Variants in XPO4 observed in about 807,000 individuals in gnomAD.
XPO4 encodes the protein exportin-4.
XPO4 carries 39 observed loss-of-function variants against 143.0 expected under a neutral mutation model. The observed-to-expected ratio is 0.27, with a 90% CI of 0.21 to 0.36. The LOEUF (loss-of-function observed/expected upper bound fraction) is 0.36. XPO4 is among the 10% of genes least tolerant of loss of function. The pLI is 1.00. For synonymous variants in XPO4, 439 were observed against 474.0 expected, an observed-to-expected ratio of 0.93 and a Z score of 0.96; for missense variants, 907 against 1,348.0, an observed-to-expected ratio of 0.67 and a Z score of 5.12.
At chr13:20,856,216 T>C (rs2138102923) in intron 3 of XPO4, 1 of 520,996 alleles carries the variant, frequency 1.9e-6, no homozygotes, top group East Asian at 1.5e-4. Flanking sequence ...AACCTACGTC[T>C]ACAACTACTA....
chr13:20,891,159 G>T (rs1024689531), intron 1 of XPO4, among the ~76,000 whole-genome samples: 9 of 141,858 alleles, frequency 6.3e-5, no homozygotes, highest in Admixed American at 1.4e-4. Context: ...AAGAACAAAC[G>T]GCCACACTCT....
chr13:20,789,398 T>TC (rs1449894003), intron 19 of XPO4, among the ~76,000 whole-genome samples: 1 of 150,070 alleles, frequency 6.7e-6, no homozygotes, highest in Non-Finnish European at 1.5e-5. Context: ...GCCTCTACTT[T>TC]TTTTTTTTTT....
intron 3 of XPO4, chr13:20,859,845 A>G (rs1057079654): frequency 1.4e-5 from 14 of 979,822 alleles, no homozygotes; most frequent in South Asian, 9.4e-5. Context: ...TTTGGATAAT[A>G]TAAGAGCCAG....
intron 4 of XPO4, among the ~76,000 whole-genome samples, chr13:20,847,684 T>C (rs1009666358): frequency 6.6e-6 from 1 of 152,146 alleles, no homozygotes; most frequent in Admixed American, 6.6e-5. Flanking sequence ...TCAGAGACAG[T>C]GGCTCTGATA....
At chr13:20,802,597 T>C (rs2059449205) in intron 13 of XPO4, among the ~76,000 whole-genome samples, 1 of 152,218 alleles carries the variant, frequency 6.6e-6, no homozygotes, top group Admixed American at 6.5e-5. Context: ...ACTTTAAATT[T>C]ATGCACTGGA....
At chr13:20,887,780 G>A (rs367744159) in intron 1 of XPO4, among the ~76,000 whole-genome samples, 76 of 152,162 alleles carry the variant, frequency 5.0e-4, no homozygotes, top group African/African-American at 1.7e-3. Context: ...TGAATCACTC[G>A]AATTCGGGAG....
Position 20,783,441 on chromosome 13 carries a change from ATC to A in XPO4, c.*279_*280del, listed in dbSNP as rs1356866529. On this transcript the variant is annotated 3_prime_UTR_variant, in exon 23 of 23. Transcript: ENST00000255305. ...TGCATATGTATTTCGTGGTGCCCAT[ATC>A]TGTTTGCACATATATGGAATTTCAT... 6.7e-6 allele frequency: 3 copies of A among 444,510 alleles called. No individual in the cohort carries two copies. Among genetic ancestry groups the A allele is most frequent in the Non-Finnish European group, 1.2e-5 (3 of 246,358 alleles). 27.5% of individuals were successfully genotyped at this position (444,510 alleles called of 1,614,324 possible).
intron 1 of XPO4, among the ~76,000 whole-genome samples, chr13:20,876,295 G>C (rs973139191): frequency 9.3e-5 from 14 of 150,594 alleles, no homozygotes; most frequent in South Asian, 6.3e-4. Flanking sequence ...GAATAAGAAG[G>C]GGGTAATACC....
rs749013343 is a variant in XPO4, at chr13:20,800,948, T to C, written c.1860A>G (p.Arg620=). The C allele has an allele frequency of 9.9e-6, 16 of 1,613,870 alleles. No individual in the cohort carries two copies. In the African/African-American group the frequency reaches 2.1e-4, roughly 22 times the overall value. The change falls in exon 14 of 23, where the codon CGA becomes CGG. Residue 620 remains arginine (R), a synonymous_variant. Transcript: ENST00000255305. ...AILRVSEVES[R]AIRADLTHLL... ...GATGAGTGAGATCTGCTCTTATTGC[T>C]CGAGATTCAACTTCTGAAACTCTGA...
intron 1 of XPO4, among the ~76,000 whole-genome samples, chr13:20,871,566 T>C (rs1156792724): frequency 6.6e-6 from 1 of 152,202 alleles, no homozygotes; most frequent in African/African-American, 2.4e-5. Flanking sequence ...TCCCAAAGTC[T>C]GCTGACATTA....
chr13:20,803,000 G>T (rs1566568571), intron 13 of XPO4, among the ~76,000 whole-genome samples: 1 of 152,120 alleles, frequency 6.6e-6, no homozygotes, highest in Non-Finnish European at 1.5e-5. Context: ...ACGTATCTTT[G>T]AATGAATATT....
intron 4 of XPO4, among the ~76,000 whole-genome samples, chr13:20,847,853 A>G (rs937947019): frequency 9.9e-5 from 15 of 152,250 alleles, no homozygotes; most frequent in Non-Finnish European, 1.6e-4. Flanking sequence ...GGTTAATACA[A>G]CAATACTTCA....
In XPO4 at chr13:20,843,792, C is replaced by G; in HGVS notation, c.551G>C (p.Gly184Ala). The G allele has an allele frequency of 6.2e-7, 1 of 1,612,798 alleles. No individual in the cohort carries two copies. The highest frequency in any genetic ancestry group is 8.5e-7 in the Non-Finnish European group (1 of 1,179,382). Residue 184 changes from glycine (G) to alanine (A), a missense_variant, in exon 5 of 23, where the codon GGT becomes GCT. Coordinates refer to ENST00000255305, the MANE Select transcript of XPO4 (RefSeq NM_022459.5). ...SNIGLSMEFH[G>A]NCKRVFQEED... The stretch of plus-strand genomic sequence containing the variant: ...TACCTGAAAAACTCTTTTGCAGTTA[C>G]CATGGAATTCCATGCTCAATCCAAT...
At chr13:20,860,396 T>C (rs2060185909) in intron 3 of XPO4, among the ~76,000 whole-genome samples, 1 of 152,180 alleles carries the variant, frequency 6.6e-6, no homozygotes, top group African/African-American at 2.4e-5. Context: ...ACAAGCACAC[T>C]ATCATAATTG....
At chr13:20,809,338 G>A (rs527980314) in intron 10 of XPO4, 113 bp from the exon 11 acceptor site, 5 of 1,349,466 alleles carry the variant, frequency 3.7e-6, no homozygotes, top group Non-Finnish European at 5.0e-6. Context: ...CAAAAGGAGA[G>A]GGGACACAGC....
intron 6 of XPO4, among the ~76,000 whole-genome samples, chr13:20,839,725 G>A (rs968841067): frequency 2.6e-5 from 4 of 152,182 alleles, no homozygotes; most frequent in African/African-American, 4.8e-5. Context: ...GCTCATGCCT[G>A]TAATCCCAAC....
At chr13:20,801,700 A>G (rs997793662) in intron 13 of XPO4, among the ~76,000 whole-genome samples, 2 of 152,246 alleles carry the variant, frequency 1.3e-5, no homozygotes, top group Non-Finnish European at 2.9e-5. Flanking sequence ...ACCTGACTTT[A>G]GCCAAAAGGC....
chr13:20,848,320 T>C, intron 4 of XPO4: 2 of 985,436 alleles, frequency 2.0e-6, no homozygotes, highest in Non-Finnish European at 2.4e-6. Flanking sequence ...TTAGAAAATC[T>C]GGGCTCTAAC....
chr13:20,848,261 G>A, intron 4 of XPO4: 2 of 980,878 alleles, frequency 2.0e-6, no homozygotes, highest in South Asian at 4.7e-5. Context: ...AAAACATTCT[G>A]CAGGACTCTT....
Sources: allele counts gnomAD v4.1 joint callset (sites outside exome capture counted in the v4.1 genomes callset), GRCh38; gene constraint gnomAD v4.1.1; transcripts MANE v1.5; gene names NCBI Gene and HGNC (gene_info 2026-07-23, HGNC 2026-07-21).